The following ZNF638 variants were observed in gnomAD, a reference collection of about 807,000 sequenced individuals.
The protein encoded by ZNF638 is CTCL tumor antigen se33-1.
A neutral mutation model predicts 195.6 loss-of-function variants in ZNF638; 46 were observed. The observed-to-expected ratio is 0.24, with a 90% confidence interval of 0.19 to 0.30. The LOEUF is 0.30. ZNF638 is among the 10% of genes least tolerant of loss of function. ZNF638 has a pLI of 1.00. For missense variants in ZNF638, 2,440 were observed against 2,325.3 expected, an observed-to-expected ratio of 1.05 and a Z score of -1.01; for synonymous variants, 845 against 772.0, an observed-to-expected ratio of 1.09 and a Z score of -1.57.
rs777534731 is a variant in ZNF638 at position 71,423,404 on chromosome 2, A to G, written c.3890A>G (p.Lys1297Arg). 1.2e-5 allele frequency: 20 copies of G among 1,613,858 alleles called. No individual in the cohort carries two copies. Among genetic ancestry groups the G allele is most frequent in the Non-Finnish European group, 1.6e-5 (19 of 1,179,998 alleles). ...ACTGGGGATGAGAAGACAGTGGACA[A>G]AAAGAATATTTCTGAAAAAAAAGGT... is the stretch of plus-strand genomic sequence containing the variant. ...IPTGDEKTVD[K>R]KNISEKKGNM... Residue 1297 changes from lysine (K) to arginine (R), a missense_variant, in exon 22 of 28, where the codon AAA (lysine) becomes AGA (arginine). This residue lies in a region of ZNF638 where 1,883 missense variants were observed against 1,739.1 expected (regional missense o/e 1.08). Transcript: ENST00000264447.
intron 6 of ZNF638, among the ~76,000 whole-genome samples, chr2:71,367,019 A>G (rs2079212395): frequency 6.6e-6 from 1 of 152,162 alleles, no homozygotes; most frequent in African/African-American, 2.4e-5. Flanking sequence ...CAGTATTTAA[A>G]TACATGAAAG....
At chr2:71,383,467 T>A (rs978574051) in intron 10 of ZNF638, among the ~76,000 whole-genome samples, 3 of 152,054 alleles carry the variant, frequency 2.0e-5, no homozygotes, top group Non-Finnish European at 2.9e-5. Flanking sequence ...AATGAAAACT[T>A]CTTGATTTTC....
At position 71,368,414 on chromosome 2, in the gene ZNF638, G is replaced by C; in HGVS notation, c.2028G>C (p.Ser676=). ...AAGAACAGTCATTGCATTATGGTTC[G>C]GTTCTTCTTATAACTGAATTACCAG... ...LRKEQSLHYG[S]VLLITELPED... Residue 676 remains serine (S), a synonymous_variant, in exon 7 of 28, where the codon TCG becomes TCC. Coordinates refer to ENST00000264447, the MANE Select transcript of ZNF638 (RefSeq NM_014497.5). 6.2e-7 allele frequency: 1 copy of C among 1,612,702 alleles called. No individual in the cohort carries two copies. The highest frequency in any genetic ancestry group is 8.5e-7 in the Non-Finnish European group (1 of 1,179,528).
At chr2:71,408,572 T>G in intron 20 of ZNF638, 1 of 306,468 alleles carries the variant, frequency 3.3e-6, no homozygotes, top group Non-Finnish European at 6.3e-6. Context: ...TTTGGCTTCC[T>G]CTGGGTAGAA....
At chr2:71,385,062 C>G (rs2079609749) in intron 10 of ZNF638, among the ~76,000 whole-genome samples, 1 of 152,140 alleles carries the variant, frequency 6.6e-6, no homozygotes, top group African/African-American at 2.4e-5. Flanking sequence ...GGTGGGGGAA[C>G]AGGCTAATAC....
intron 1 of ZNF638, among the ~76,000 whole-genome samples, chr2:71,340,317 T>C (rs1448533570): frequency 6.6e-6 from 1 of 152,226 alleles, no homozygotes; most frequent in African/African-American, 2.4e-5. Context: ...CTCAGAATTG[T>C]TACTTGCATG....
At chr2:71,377,577 A>G (rs2079454521) in intron 8 of ZNF638, among the ~76,000 whole-genome samples, 1 of 152,192 alleles carries the variant, frequency 6.6e-6, no homozygotes, top group African/African-American at 2.4e-5. Flanking sequence ...TTCTGAAACT[A>G]TTTCTTATTA....
In ZNF638 at chr2:71,365,654, CTT is replaced by C. The variant is rs1210079223; in HGVS notation, c.1945_1946del (p.Leu649ValfsTer4). 1 of 1,613,970 alleles carries C rather than the reference CTT, an allele frequency of 6.2e-7. No homozygotes were observed. On this transcript the variant is annotated frameshift_variant, in exon 6 of 28. Transcript: ENST00000264447. LOFTEE classifies it high-confidence loss of function. ...AAATCAAAGAATCTTGAAGATGACA[CTT>C]TGTCAGAATGTAAACAGGTGTCTGA...
rs754418469 is a variant in ZNF638 at position 71,427,121 on chromosome 2, T to C, written c.5252T>C (p.Leu1751Ser). The C allele has an allele frequency of 1.9e-6, 3 of 1,614,026 alleles. No individual in the cohort carries two copies. The highest frequency in any genetic ancestry group is 1.6e-4 in the Middle Eastern group (1 of 6,082). Residue 1751 changes from leucine to serine, a missense_variant, in exon 24 of 28, where the codon TTG becomes TCG. By Grantham distance (145) the Leu-to-Ser change is moderately radical. Coordinates refer to ENST00000264447, the MANE Select transcript of ZNF638 (RefSeq NM_014497.5). ...DDSSDLHLVT[L>S]DEVTEEDEDS... is the part of the protein sequence containing the mutation. ...AGCAGTGATTTGCATTTAGTGACTT[T>C]GGATGAAGTAACTGAAGAGGATGAA...
chr2:71,428,541 T>A lies in ZNF638; in HGVS notation c.5546-6T>A. 6.2e-7 allele frequency: 1 copy of A among 1,610,000 alleles called. No homozygotes were observed. The highest frequency in any genetic ancestry group is 1.1e-5 in the South Asian group (1 of 90,478). ...AGAGCAATAAATTAGGACTTTCTTT[T>A]TAAAGCTAAAACTCCAACCAAGAGA... On this transcript the variant is annotated splice_polypyrimidine_tract_variant and splice_region_variant and intron_variant, in intron 24 of 27. Transcript: ENST00000264447.
chr2:71,368,119 A>G (rs1432453250), intron 6 of ZNF638, among the ~76,000 whole-genome samples: 1 of 152,134 alleles, frequency 6.6e-6, no homozygotes, highest in Non-Finnish European at 1.5e-5. Flanking sequence ...AACAGAAAAG[A>G]GCACCTGTAA....
In ZNF638 at chr2:71,426,316, C is replaced by T. The variant is rs2080538601; in HGVS notation, c.4591-144C>T. 3.6e-5 allele frequency: 22 copies of T among 602,794 alleles called. No individual in the cohort carries two copies. In the East Asian group the frequency reaches 6.5e-4, roughly 18 times the overall value. The allele number at this position is 602,794 out of a possible 1,614,324, so 37.3% of individuals were successfully genotyped here. On this transcript the variant is annotated intron_variant, in intron 23 of 27. Transcript: ENST00000264447. ...GTCATTTGTGGGGCTTTAAAAAAAA[C>T]AACTCTTAATTTTAGCCTTTAGGAA...
chr2:71,429,413 T>TC (rs1288260156), intron 25 of ZNF638, among the ~76,000 whole-genome samples: 1 of 152,128 alleles, frequency 6.6e-6, no homozygotes, highest in Non-Finnish European at 1.5e-5. Context: ...AAATTAGCTT[T>TC]CCCCCCCTTC....
chr2:71,421,429 A>ATAATC (rs940323585), intron 21 of ZNF638, among the ~76,000 whole-genome samples: 14 of 152,274 alleles, frequency 9.2e-5, no homozygotes, highest in Non-Finnish European at 1.6e-4. Flanking sequence ...ATATTGATTA[A>ATAATC]GGTTTAGGGT....
At chr2:71,429,661 G>A (rs979708074) in intron 25 of ZNF638, among the ~76,000 whole-genome samples, 6 of 152,042 alleles carry the variant, frequency 3.9e-5, no homozygotes, top group East Asian at 3.9e-4. Context: ...CTACTTTTAC[G>A]TCTTAATTTC....
intron 3 of ZNF638, among the ~76,000 whole-genome samples, chr2:71,358,214 C>T (rs1198095507): frequency 6.6e-6 from 1 of 152,100 alleles, no homozygotes. Flanking sequence ...GATCTAGGGC[C>T]CATTGGATAA....
chr2:71,331,926 A>T, intron 1 of ZNF638, 51 bp downstream of exon 1: 1 of 986,044 alleles, frequency 1.0e-6, no homozygotes, highest in Non-Finnish European at 1.2e-6. Context: ...GGAGGCCGGT[A>T]TCGTGGGGGT....
At chr2:71,380,691 T>C in intron 10 of ZNF638, 126 bp downstream of exon 10, 1 of 643,932 alleles carries the variant, frequency 1.6e-6, no homozygotes, top group East Asian at 3.0e-5. Context: ...CATTCTTTAA[T>C]TGGCCCCTGT....
chr2:71,348,796 T>G lies in ZNF638; in HGVS notation c.-159T>G. ...AAATTTCGCACCACTTGTGAATTCC[T>G]TGAACCTGGGCATTGCAAACCCACT... On this transcript the variant is annotated 5_prime_UTR_variant, in exon 2 of 28. Transcript: ENST00000264447. 1 of 1,569,218 alleles carries G rather than the reference T, an allele frequency of 6.4e-7. No homozygotes were observed. Among genetic ancestry groups the G allele is most frequent in the Non-Finnish European group, 8.6e-7 (1 of 1,161,922 alleles).
Sources: gnomAD v4.1 joint callset for allele counts (sites outside exome capture counted in the v4.1 genomes callset) on GRCh38, gnomAD v4.1.1 for gene constraint, gnomAD v4.1.1 regional missense constraint, MANE v1.5 for transcripts, NCBI Gene and HGNC (gene_info 2026-07-23, HGNC 2026-07-21) for gene names.